The following CXCL13 variants were observed in gnomAD, a reference collection of about 807,000 sequenced individuals.
The protein encoded by CXCL13 is C-X-C motif chemokine ligand 13.
A neutral mutation model predicts 12.2 loss-of-function variants in CXCL13; 7 were observed. The ratio of observed to expected loss-of-function variants is 0.57; its 90% CI spans 0.33 to 1.07. The LOEUF is 1.07. Ranked by LOEUF, CXCL13 falls within the 50% of genes least tolerant of loss-of-function variation. The pLI, the probability that CXCL13 is intolerant of heterozygous loss-of-function variation, is 0.04. For missense variants in CXCL13, 113 were observed against 127.4 expected (o/e 0.89, Z 0.55); for synonymous variants, 47 against 42.4 (o/e 1.11, Z -0.42).
intron 1 of CXCL13, among the ~76,000 whole-genome samples, chr4:77,518,624 G>A (rs751911194): frequency 6.9e-4 from 105 of 152,138 alleles, no homozygotes; most frequent in Non-Finnish European, 8.7e-4. Context: ...CGTCGTTCTC[G>A]AGCCTTGGCT....
At chr4:77,546,611 A>G (rs894709230) in intron 1 of CXCL13, among the ~76,000 whole-genome samples, 8 of 151,886 alleles carry the variant, frequency 5.3e-5, no homozygotes, top group Non-Finnish European at 1.2e-4. Flanking sequence ...TATCATTTTT[A>G]TTGCATCTAT....
At chr4:77,569,345 T>C (rs906565771) in intron 1 of CXCL13, among the ~76,000 whole-genome samples, 17 of 152,322 alleles carry the variant, frequency 1.1e-4, no homozygotes, top group African/African-American at 4.1e-4. Context: ...GCAGATGACA[T>C]GATCCTATAC....
intron 1 of CXCL13, among the ~76,000 whole-genome samples, chr4:77,547,337 A>T (rs568736095): frequency 2.4e-4 from 36 of 152,276 alleles, no homozygotes; most frequent in African/African-American, 8.2e-4. Flanking sequence ...GGGTGTTTAC[A>T]TATCACATTA....
intron 1 of CXCL13, among the ~76,000 whole-genome samples, chr4:77,563,878 TA>T (rs1472066054): frequency 2.6e-5 from 4 of 152,212 alleles, no homozygotes; most frequent in Admixed American, 2.0e-4. Context: ...TCTTCATGTA[TA>T]AAAGTGAGGG....
At chr4:77,530,442 A>G (rs1305697633) in intron 1 of CXCL13, among the ~76,000 whole-genome samples, 2 of 152,044 alleles carry the variant, frequency 1.3e-5, no homozygotes, top group Non-Finnish European at 2.9e-5. Context: ...TAATTATTGC[A>G]TCAATTTCAG....
chr4:77,555,952 G>A (rs188205392), intron 1 of CXCL13, among the ~76,000 whole-genome samples: 3 of 152,280 alleles, frequency 2.0e-5, no homozygotes, highest in Non-Finnish European at 4.4e-5. Flanking sequence ...CCAAATAACT[G>A]AGAATGTCAT....
intron 1 of CXCL13, among the ~76,000 whole-genome samples, chr4:77,597,764 G>A (rs1726797042): frequency 6.6e-6 from 1 of 152,110 alleles, no homozygotes; most frequent in Non-Finnish European, 1.5e-5. Context: ...TCTGCTCTGT[G>A]GCCACATTCT....
chr4:77,541,085 C>T (rs6819594), intron 1 of CXCL13, among the ~76,000 whole-genome samples: 1 of 152,014 alleles, frequency 6.6e-6, no homozygotes, highest in Admixed American at 6.6e-5. Context: ...GTCTTTTGCC[C>T]ATTCTTAATG....
intron 1 of CXCL13, among the ~76,000 whole-genome samples, chr4:77,572,606 C>T (rs559924727): frequency 6.6e-6 from 1 of 151,752 alleles, no homozygotes; most frequent in African/African-American, 2.4e-5. Flanking sequence ...CGTGAGGTTG[C>T]AAAGAAAAAG....
chr4:77,599,787 T>C (rs1384934879), intron 1 of CXCL13, among the ~76,000 whole-genome samples: 1 of 152,194 alleles, frequency 6.6e-6, no homozygotes, highest in Non-Finnish European at 1.5e-5. Context: ...AGAAGATGGT[T>C]CTGGCTGCAG....
chr4:77,521,795 G>C (rs1317094653), intron 1 of CXCL13, among the ~76,000 whole-genome samples: 1 of 151,770 alleles, frequency 6.6e-6, no homozygotes, highest in Non-Finnish European at 1.5e-5. Context: ...TTTTTTAATT[G>C]TGATGTTAGG....
At chr4:77,520,979 G>T (rs1211009268) in intron 1 of CXCL13, among the ~76,000 whole-genome samples, 1 of 152,102 alleles carries the variant, frequency 6.6e-6, no homozygotes, top group Non-Finnish European at 1.5e-5. Flanking sequence ...ATAATCATGT[G>T]GTTTTTTGTC....
At chr4:77,520,813 T>C (rs1724574347) in intron 1 of CXCL13, among the ~76,000 whole-genome samples, 1 of 152,204 alleles carries the variant, frequency 6.6e-6, no homozygotes, top group South Asian at 2.1e-4. Flanking sequence ...AGAGAATGCT[T>C]CCAGTTTTTG....
At position 77,529,036 on chromosome 4, in the gene CXCL13, A is replaced by T. The variant is rs556081827; in HGVS notation, c.-43+17248A>T. On this transcript the variant is annotated intron_variant, in intron 1 of 4. Transcript: ENST00000286758. ...CCCAGCACCATTTATTAAATAGGGAATCCTTTCCTCATTTCTTGTTTTTGT... is the reference window on the plus strand; with the variant it reads ...CCCAGCACCATTTATTAAATAGGGATTCCTTTCCTCATTTCTTGTTTTTGT... Among the ~76,000 whole-genome samples the T allele has an allele frequency of 1.2e-4, 18 of 152,304 alleles. No individual in the cohort carries two copies. In the East Asian group the frequency reaches 3.5e-3, roughly 29 times the overall value.
intron 1 of CXCL13, among the ~76,000 whole-genome samples, chr4:77,575,936 TTGTTA>T (rs1311142059): frequency 2.0e-5 from 3 of 151,866 alleles, no homozygotes; most frequent in Admixed American, 1.3e-4. Context: ...ACAATTAAGG[TTGTTA>T]TGTTAAGTTA....
intron 1 of CXCL13, among the ~76,000 whole-genome samples, chr4:77,545,344 G>A (rs1049835148): frequency 6.6e-6 from 1 of 152,088 alleles, no homozygotes; most frequent in African/African-American, 2.4e-5. Flanking sequence ...GGACAGTATG[G>A]CCATTTTCAT....
intron 1 of CXCL13, among the ~76,000 whole-genome samples, chr4:77,561,917 G>T (rs953171607): frequency 2.6e-5 from 4 of 152,156 alleles, no homozygotes; most frequent in African/African-American, 7.2e-5. Context: ...CCTGGGCTGC[G>T]CCCAGTGCTT....
At chr4:77,609,931 T>G (rs916969403) in intron 2 of CXCL13, among the ~76,000 whole-genome samples, 1 of 152,254 alleles carries the variant, frequency 6.6e-6, no homozygotes, top group Admixed American at 6.5e-5. Context: ...AAGGAAGTAA[T>G]AATTTCTCCA....
At chr4:77,524,528 G>A (rs543984165) in intron 1 of CXCL13, among the ~76,000 whole-genome samples, 1 of 151,018 alleles carries the variant, frequency 6.6e-6, no homozygotes, top group South Asian at 2.1e-4. Context: ...TGCCAAGCCA[G>A]GCATGGGAGA....
Sources: gnomAD v4.1 joint callset for allele counts (sites outside exome capture counted in the v4.1 genomes callset) on GRCh38, gnomAD v4.1.1 for gene constraint, MANE v1.5 for transcripts, NCBI Gene and HGNC (gene_info 2026-07-23, HGNC 2026-07-21) for gene names.